FMO2: variants seen among roughly 807,000 people sequenced by gnomAD.
FMO2 encodes the protein flavin containing dimethylaniline monoxygenase 2.
A neutral mutation model predicts 41.6 loss-of-function variants in FMO2; 33 were observed. The ratio of observed to expected loss-of-function variants is 0.79; its 90% CI spans 0.60 to 1.06. The LOEUF (loss-of-function observed/expected upper bound fraction) is 1.06. FMO2 is among the 50% of genes least tolerant of loss of function. The pLI is 0.00. For missense variants in FMO2, 619 were observed against 632.9 expected, an observed-to-expected ratio of 0.98 and a Z score of 0.23; for synonymous variants, 214 against 219.6, an observed-to-expected ratio of 0.97 and a Z score of 0.23.
At chr1:171,189,659 CTTTTTT>C (rs397827245) in intron 2 of FMO2, among the ~76,000 whole-genome samples, 1 of 121,474 alleles carries the variant, frequency 8.2e-6, no homozygotes, top group Non-Finnish European at 1.7e-5. Flanking sequence ...TTTTTCTTTT[CTTTTTT>C]TTTTTTTTTT....
At position 171,210,293 on chromosome 1, in the gene FMO2, G is replaced by A. The variant is rs1658926202; in HGVS notation, c.*1148G>A. On this transcript the variant is annotated 3_prime_UTR_variant, in exon 9 of 9. Transcript: ENST00000209929. ...GACATTTTGGAAAAATAAGAATTGA[G>A]GAAAAAAAGTGTATCTTTCAAGTAG... 6.6e-6 allele frequency: 1 copy of A among 151,922 alleles called. No individual in the cohort carries two copies. Among genetic ancestry groups the A allele is most frequent in the Admixed American group, 6.6e-5 (1 of 15,250 alleles). The allele number at this position is 151,922 out of a possible 1,614,324, so 9.4% of individuals were successfully genotyped here. A position where few individuals can be genotyped will look rare whatever the true frequency, so the allele number is the denominator to read the frequency against.
chr1:171,204,560 T>G (rs927733315), intron 6 of FMO2, among the ~76,000 whole-genome samples: 1 of 152,208 alleles, frequency 6.6e-6, no homozygotes, highest in African/African-American at 2.4e-5. Flanking sequence ...TATGAATGGT[T>G]CTTTTGCTTT....
intron 2 of FMO2, among the ~76,000 whole-genome samples, chr1:171,189,452 A>G (rs556461098): frequency 1.1e-4 from 16 of 152,164 alleles, no homozygotes; most frequent in African/African-American, 3.4e-4. Flanking sequence ...AGCAGCAGAA[A>G]AAAAGTGGTA....
intron 4 of FMO2, among the ~76,000 whole-genome samples, chr1:171,197,813 C>T (rs1658363818): frequency 6.6e-6 from 1 of 152,186 alleles, no homozygotes; most frequent in Admixed American, 6.5e-5. Context: ...TGTTAGCATG[C>T]TTGGCTCCCT....
At chr1:171,186,687 A>T (rs1657865830) in intron 2 of FMO2, among the ~76,000 whole-genome samples, 1 of 152,228 alleles carries the variant, frequency 6.6e-6, no homozygotes, top group Non-Finnish European at 1.5e-5. Flanking sequence ...ACTACAATTC[A>T]ATATGAGATT....
chr1:171,189,047 G>T (rs920644380), intron 2 of FMO2: 1 of 152,080 alleles, frequency 6.6e-6, no homozygotes, highest in African/African-American at 2.4e-5. Flanking sequence ...GGGAACATAG[G>T]TGGCGGGAGA....
At chr1:171,186,538 G>C (rs1378419012) in intron 2 of FMO2, among the ~76,000 whole-genome samples, 1 of 152,040 alleles carries the variant, frequency 6.6e-6, no homozygotes, top group Non-Finnish European at 1.5e-5. Context: ...CTGAGCAAAG[G>C]GGGAAAAGCC....
rs1411626103 is a variant in FMO2 at position 171,210,750 on chromosome 1, A to G, written c.*1605A>G. On this transcript the variant is annotated 3_prime_UTR_variant, in exon 9 of 9. Transcript: ENST00000209929. The stretch of plus-strand genomic sequence containing the variant: ...TCCCTCAGGGACGTAGAACAATGGA[A>G]TGTCAGTCAGTCTCTGTAGTTAAAA... 6.6e-6 allele frequency: 1 copy of G among 151,698 alleles called. No individual in the cohort carries two copies. The highest frequency in any genetic ancestry group is 1.5e-5 in the Non-Finnish European group (1 of 67,958). The allele number at this position is 151,698 out of a possible 1,614,324, so 9.4% of individuals were successfully genotyped here.
intron 2 of FMO2, among the ~76,000 whole-genome samples, chr1:171,188,000 C>T (rs1204517992): frequency 2.0e-5 from 3 of 147,770 alleles, no homozygotes; most frequent in African/African-American, 7.4e-5. Context: ...TTTTTGTCCA[C>T]TCTAGGTTCA....
chr1:171,193,669 A>G, intron 3 of FMO2, 146 bp downstream of exon 3: 1 of 604,014 alleles, frequency 1.7e-6, no homozygotes, highest in Middle Eastern at 4.4e-4. Context: ...TATAAAACCC[A>G]AAAAGTAGTG....
chr1:171,194,098 T>A (rs1658208190), intron 3 of FMO2, among the ~76,000 whole-genome samples: 1 of 152,214 alleles, frequency 6.6e-6, no homozygotes, highest in African/African-American at 2.4e-5. Flanking sequence ...TCATTTAAAC[T>A]AATATCTGTT....
At chr1:171,203,733 T>C (rs1379265089) in intron 5 of FMO2, 132 bp from the exon 6 acceptor site, 2 of 744,084 alleles carry the variant, frequency 2.7e-6, no homozygotes, top group East Asian at 2.7e-5. Flanking sequence ...TACTTTACAT[T>C]GAGGTCAATC....
chr1:171,203,691 G>A (rs1036829808), intron 5 of FMO2, among the ~76,000 whole-genome samples, 174 bp from the exon 6 acceptor site: 3 of 152,120 alleles, frequency 2.0e-5, no homozygotes, highest in Non-Finnish European at 1.5e-5. Context: ...CTGCATCAGT[G>A]TAAATGCCAC....
At chr1:171,204,504 G>A (rs1268789692) in intron 6 of FMO2, among the ~76,000 whole-genome samples, 1 of 152,052 alleles carries the variant, frequency 6.6e-6, no homozygotes, top group East Asian at 1.9e-4. Context: ...ACAAATCTCT[G>A]TTGACGTCAA....
In FMO2 at chr1:171,191,880, AT is replaced by A. The variant is rs371336558; in HGVS notation, c.133-1454del. Among the ~76,000 whole-genome samples the A allele has an allele frequency of 5.2e-3, 756 of 144,008 alleles. 9 individuals carry two copies. The highest frequency in any genetic ancestry group is 0.018 in the African/African-American group (710 of 39,040). The allele number at this position is 144,008 out of a possible 152,430, so 94.5% of individuals were successfully genotyped here. A position where few individuals can be genotyped will look rare whatever the true frequency, so the allele number is the denominator to read the frequency against. ...CTCTACAAAAAAAAAAAAAAAAAAA[AT>A]ACAAAAAATTAGCCGGTGTAGTGGC... On this transcript the variant is annotated intron_variant, in intron 2 of 8. Coordinates refer to ENST00000209929, the MANE Select transcript of FMO2 (RefSeq NM_001460.5).
Position 171,193,510 on chromosome 1 carries a change from A to G in FMO2, c.308A>G (p.Tyr103Cys), listed in dbSNP as rs1420333638. ...IFAKKFDLLK[Y>C]IQFQTTVLSV... is the part of the protein sequence containing the mutation. ...GCTAAAAAATTTGATCTGCTAAAAT[A>G]TATTCAGTTCCAGGTATTGTATTTT... Residue 103 changes from tyrosine to cysteine, a missense_variant, in exon 3 of 9, where the codon TAT (tyrosine) becomes TGT (cysteine). Tyr to Cys is a radical substitution (Grantham distance 194). Transcript: ENST00000209929. 1 of 1,598,702 alleles carries G rather than the reference A, an allele frequency of 6.3e-7. No individual in the cohort carries two copies. Among genetic ancestry groups the G allele is most frequent in the Non-Finnish European group, 8.6e-7 (1 of 1,166,908 alleles).
Position 171,205,544 on chromosome 1 carries a change from AC to A in FMO2, c.1096del (p.Leu366SerfsTer10). 2.5e-6 allele frequency: 4 copies of A among 1,613,842 alleles called. No homozygotes were observed. Among genetic ancestry groups the A allele is most frequent in the Non-Finnish European group, 3.4e-6 (4 of 1,179,868 alleles). ...YIFPAHLDKSTLACIGLIQPL... is the reference protein window; with the variant it reads ...YIFPAHLDKSXLACIGLIQPL... ...ATTCCCCGCTCACCTGGACAAGTCA[AC>A]CCTCGCGTGCATTGGTCTCATCCAG... On this transcript the variant is annotated frameshift_variant, in exon 7 of 9. Coordinates refer to ENST00000209929, the MANE Select transcript of FMO2 (RefSeq NM_001460.5). LOFTEE classifies it high-confidence loss of function.
chr1:171,207,541 C>A, intron 7 of FMO2, 177 bp from the exon 8 acceptor site: 1 of 575,744 alleles, frequency 1.7e-6, no homozygotes. Context: ...ACTGTGCACC[C>A]TGGACAGTGT....
rs28369827 is a variant in FMO2 at position 171,190,927 on chromosome 1, C to T, written c.133-2408C>T. 2.6e-3 allele frequency among the ~76,000 whole-genome samples: 403 copies of T among 152,300 alleles called. 2 individuals are homozygous for T. The highest frequency in any genetic ancestry group is 9.3e-3 in the African/African-American group (385 of 41,550). On this transcript the variant is annotated intron_variant, in intron 2 of 8. Transcript: ENST00000209929. The stretch of plus-strand genomic sequence containing the variant: ...TTGGGAGGCTGAGGCAGGTGGATCA[C>T]CTGAGGTCGGGAGTTCGAGACCAGC...
Sources: gnomAD v4.1 joint callset for allele counts (sites outside exome capture counted in the v4.1 genomes callset) on GRCh38, gnomAD v4.1.1 for gene constraint, MANE v1.5 for transcripts, NCBI Gene and HGNC (gene_info 2026-07-23, HGNC 2026-07-21) for gene names.